Variants in DSCAM observed in about 807,000 individuals in gnomAD.
DSCAM encodes the protein cell adhesion molecule DSCAM.
Under a neutral mutation model 217.7 loss-of-function variants are expected in DSCAM, and 47 were observed. That is an observed-to-expected ratio of 0.22 (90% CI 0.17 to 0.28). DSCAM has a LOEUF of 0.28. Ranked by LOEUF, DSCAM falls within the 10% of genes least tolerant of loss-of-function variation. The probability of loss-of-function intolerance (pLI) is 1.00; values close to 1 mark genes in which losing one functional copy is unlikely to be tolerated. For missense variants in DSCAM, 2,080 were observed against 2,618.3 expected, an observed-to-expected ratio of 0.79 and a Z score of 4.49; for synonymous variants, 1,056 against 1,015.3, an observed-to-expected ratio of 1.04 and a Z score of -0.76.
At chr21:40,509,252 C>CCA (rs2076239282) in intron 3 of DSCAM, among the ~76,000 whole-genome samples, 1 of 152,106 alleles carries the variant, frequency 6.6e-6, no homozygotes. Flanking sequence ...CCATAAATTC[C>CCA]AAGAAAATAA....
At chr21:40,732,654 C>A (rs1189547914) in intron 1 of DSCAM, among the ~76,000 whole-genome samples, 1 of 152,150 alleles carries the variant, frequency 6.6e-6, no homozygotes, top group Non-Finnish European at 1.5e-5. Flanking sequence ...GTTACTTTTG[C>A]CCCTATACTA....
chr21:40,164,707 CAGG>C (rs958540246), intron 16 of DSCAM, among the ~76,000 whole-genome samples: 1 of 152,074 alleles, frequency 6.6e-6, no homozygotes, highest in Non-Finnish European at 1.5e-5. Context: ...GAGGCTGAGG[CAGG>C]AGAATTGCTT....
chr21:40,089,797 C>G (rs2089581860), intron 21 of DSCAM, among the ~76,000 whole-genome samples: 1 of 152,128 alleles, frequency 6.6e-6, no homozygotes, highest in African/African-American at 2.4e-5. Context: ...TAGCTTATCC[C>G]CTTTCCAGAA....
At chr21:40,566,573 CTT>C (rs2076766512) in intron 3 of DSCAM, among the ~76,000 whole-genome samples, 1 of 152,234 alleles carries the variant, frequency 6.6e-6, no homozygotes, top group Non-Finnish European at 1.5e-5. Flanking sequence ...ATTTAGCAAA[CTT>C]ATCTTTAACT....
intron 27 of DSCAM, among the ~76,000 whole-genome samples, chr21:40,069,008 C>T (rs755452067): frequency 2.0e-5 from 3 of 151,700 alleles, no homozygotes; most frequent in Non-Finnish European, 4.4e-5. Context: ...TCGCTTGAAC[C>T]CAGGAGGTGG....
intron 3 of DSCAM, among the ~76,000 whole-genome samples, chr21:40,590,003 C>T (rs1196062134): frequency 2.0e-5 from 3 of 152,176 alleles, no homozygotes; most frequent in Non-Finnish European, 1.5e-5. Flanking sequence ...CTAATAACTC[C>T]TCTTCCTGAG....
At chr21:40,483,594 C>T (rs924520541) in intron 3 of DSCAM, among the ~76,000 whole-genome samples, 1 of 152,008 alleles carries the variant, frequency 6.6e-6, no homozygotes, top group Non-Finnish European at 1.5e-5. Flanking sequence ...TCCTGTATAA[C>T]GGAGGCATGT....
At chr21:40,246,541 A>G (rs925343729) in intron 11 of DSCAM, among the ~76,000 whole-genome samples, 6 of 150,906 alleles carry the variant, frequency 4.0e-5, no homozygotes, top group Non-Finnish European at 8.8e-5. Context: ...ACTCTATATC[A>G]AAGAAAAAAA....
intron 18 of DSCAM, among the ~76,000 whole-genome samples, chr21:40,140,875 C>A (rs139151395): frequency 2.0e-5 from 3 of 151,924 alleles, no homozygotes; most frequent in Middle Eastern, 3.4e-3. Context: ...TGGTGTTTCC[C>A]ATGAGCTCAG....
chr21:40,598,269 T>A (rs1401770067), intron 3 of DSCAM, among the ~76,000 whole-genome samples: 1 of 152,200 alleles, frequency 6.6e-6, no homozygotes, highest in Non-Finnish European at 1.5e-5. Context: ...CTGATCTTTT[T>A]GTAGCTTGAT....
chr21:40,033,141 T>C (rs2088560250), intron 32 of DSCAM, among the ~76,000 whole-genome samples: 2 of 152,158 alleles, frequency 1.3e-5, no homozygotes, highest in South Asian at 4.1e-4. Context: ...TCAAGGTGCC[T>C]TTAGAAAGTA....
At chr21:40,161,482 TATGC>T (rs1412808828) in intron 16 of DSCAM, among the ~76,000 whole-genome samples, 2 of 152,200 alleles carry the variant, frequency 1.3e-5, no homozygotes, top group Non-Finnish European at 2.9e-5. Flanking sequence ...GTAAATGGTT[TATGC>T]ATTAATTTAA....
intron 11 of DSCAM, among the ~76,000 whole-genome samples, chr21:40,217,723 A>T (rs113707905): frequency 2.6e-5 from 4 of 152,176 alleles, no homozygotes; most frequent in African/African-American, 9.6e-5. Context: ...GTGTGAGATG[A>T]TATCTCATTG....
chr21:40,602,546 C>T (rs2077070468), intron 3 of DSCAM, among the ~76,000 whole-genome samples: 1 of 152,118 alleles, frequency 6.6e-6, no homozygotes, highest in Non-Finnish European at 1.5e-5. Context: ...TTATACAAAT[C>T]TTGATAGTCT....
intron 9 of DSCAM, among the ~76,000 whole-genome samples, chr21:40,298,932 G>A (rs192873874): frequency 1.2e-4 from 18 of 152,130 alleles, no homozygotes; most frequent in Non-Finnish European, 1.3e-4. Context: ...ATAGAAATAC[G>A]GTAAGTATAA....
intron 2 of DSCAM, among the ~76,000 whole-genome samples, chr21:40,693,373 C>T (rs2090560246): frequency 6.6e-6 from 1 of 151,968 alleles, no homozygotes; most frequent in African/African-American, 2.4e-5. Context: ...GTTGAGGCTG[C>T]AGTGAGCTAT....
chr21:40,063,207 T>C (rs1157221171), intron 27 of DSCAM, among the ~76,000 whole-genome samples: 2 of 152,180 alleles, frequency 1.3e-5, no homozygotes, highest in Admixed American at 1.3e-4. Context: ...TTATTTTCAG[T>C]AGTCAGAAAA....
At chr21:40,574,698 G>C (rs1452674423) in intron 3 of DSCAM, among the ~76,000 whole-genome samples, 2 of 142,234 alleles carry the variant, frequency 1.4e-5, no homozygotes, top group Non-Finnish European at 3.0e-5. Context: ...AATCACATAA[G>C]GTGCCTGATT....
chr21:40,386,185 AAATGG>A (rs1305988588), intron 3 of DSCAM, among the ~76,000 whole-genome samples: 1 of 152,260 alleles, frequency 6.6e-6, no homozygotes, highest in Non-Finnish European at 1.5e-5. Context: ...CGCTAAATAT[AAATGG>A]AATGAAGCAC....
Sources: allele counts gnomAD v4.1 joint callset (sites outside exome capture counted in the v4.1 genomes callset), GRCh38; gene constraint gnomAD v4.1.1; transcripts MANE v1.5; gene names NCBI Gene and HGNC (gene_info 2026-07-23, HGNC 2026-07-21).